EPM2A: variants seen among roughly 807,000 people sequenced by gnomAD.
EPM2A encodes laforin.
EPM2A carries 21 observed loss-of-function variants against 26.5 expected under a neutral mutation model. The ratio of observed to expected loss-of-function variants is 0.79; its 90% CI spans 0.56 to 1.14. EPM2A has a LOEUF of 1.14. EPM2A is among the 50% of genes most tolerant of loss of function. EPM2A has a pLI of 0.00. For missense variants in EPM2A, 458 were observed against 440.8 expected, an observed-to-expected ratio of 1.04 and a Z score of -0.35; for synonymous variants, 217 against 177.6, an observed-to-expected ratio of 1.22 and a Z score of -1.76.
chr6:145,510,930 A>C (rs1024267458), intron 2 of EPM2A, among the ~76,000 whole-genome samples: 4 of 152,180 alleles, frequency 2.6e-5, no homozygotes, highest in Non-Finnish European at 4.4e-5. Flanking sequence ...TCTCCAATAG[A>C]AATACAAAAT....
intron 2 of EPM2A, among the ~76,000 whole-genome samples, chr6:145,510,102 TA>T (rs879434532): frequency 1.8e-3 from 259 of 142,516 alleles, no homozygotes; most frequent in Middle Eastern, 7.0e-3. Context: ...CTTCTGGACC[TA>T]AAAAAAAAAA....
At chr6:145,434,726 G>A (rs141469138) in intron 4 of EPM2A, among the ~76,000 whole-genome samples, 9 of 152,160 alleles carry the variant, frequency 5.9e-5, no homozygotes, top group Non-Finnish European at 1.0e-4. Flanking sequence ...ATGCCAGGGC[G>A]TTTCTATTAC....
At chr6:145,491,402 A>T (rs147682867) in intron 4 of EPM2A, among the ~76,000 whole-genome samples, 142 of 151,168 alleles carry the variant, frequency 9.4e-4, no homozygotes, top group African/African-American at 3.2e-3. Flanking sequence ...GGCCCTGTGG[A>T]CTCCATATCT....
rs370179271 is a variant in EPM2A, at chr6:145,479,935, A to T, written c.555+22587T>A. Among the ~76,000 whole-genome samples, 13 of 152,182 alleles carry T rather than the reference A, an allele frequency of 8.5e-5. No homozygotes were observed. The East Asian group carries it at 2.3e-3, about 27-fold the overall frequency. ...CAACACTTTTTATTTTCTTTTTTAA[A>T]GAAAATTATAGCCATGCCAGTAGTT... On this transcript the variant is annotated intron_variant, in intron 4 of 4. Coordinates refer to the EPM2A transcript ENST00000638717.
At chr6:145,397,911 A>G (rs541366691) in intron 4 of EPM2A, among the ~76,000 whole-genome samples, 10 of 152,308 alleles carry the variant, frequency 6.6e-5, no homozygotes, top group Non-Finnish European at 1.2e-4. Flanking sequence ...AGTGAACTTC[A>G]TAACACTCTG....
chr6:145,683,898 TA>T (rs1042411031), intron 2 of EPM2A, among the ~76,000 whole-genome samples: 1 of 151,958 alleles, frequency 6.6e-6, no homozygotes, highest in African/African-American at 2.4e-5. Context: ...TTTCACATAG[TA>T]AATATGAACA....
At chr6:145,484,990 AAT>A (rs35889967) in intron 4 of EPM2A, among the ~76,000 whole-genome samples, 70,253 of 146,434 alleles carry the variant, frequency 0.48, 16,815 homozygotes, top group South Asian at 0.59. Context: ...ATGACATTAA[AAT>A]ATATATATAT....
At chr6:145,535,838 C>G (rs1159809833) in intron 2 of EPM2A, among the ~76,000 whole-genome samples, 2 of 152,184 alleles carry the variant, frequency 1.3e-5, no homozygotes, top group African/African-American at 4.8e-5. Flanking sequence ...TTCACTTTCA[C>G]TTTGTGAATT....
intron 2 of EPM2A, among the ~76,000 whole-genome samples, chr6:145,516,141 G>T (rs898189261): frequency 1.3e-5 from 2 of 152,108 alleles, no homozygotes; most frequent in South Asian, 4.1e-4. Flanking sequence ...CACCATGAAA[G>T]ACTTGCAAGA....
At chr6:145,707,293 A>G (rs1782276561) in intron 1 of EPM2A, among the ~76,000 whole-genome samples, 1 of 152,204 alleles carries the variant, frequency 6.6e-6, no homozygotes, top group Non-Finnish European at 1.5e-5. Flanking sequence ...ATCCAAGAAA[A>G]TGGTACAGTA....
chr6:145,600,743 C>G (rs1038217107), intron 2 of EPM2A, among the ~76,000 whole-genome samples: 1 of 152,162 alleles, frequency 6.6e-6, no homozygotes, highest in African/African-American at 2.4e-5. Flanking sequence ...AGTTGGCTCC[C>G]CAGCAACCTG....
At chr6:145,608,268 T>G (rs189519515) in intron 2 of EPM2A, among the ~76,000 whole-genome samples, 1 of 152,360 alleles carries the variant, frequency 6.6e-6, no homozygotes, top group Non-Finnish European at 1.5e-5. Flanking sequence ...ATCATAGGTA[T>G]GTATAGGATG....
intron 2 of EPM2A, among the ~76,000 whole-genome samples, chr6:145,595,315 T>G (rs1781327534): frequency 6.6e-6 from 1 of 151,804 alleles, no homozygotes; most frequent in African/African-American, 2.4e-5. Context: ...ATGAAAATGA[T>G]CATGGCTAAA....
chr6:145,483,147 CA>C (rs1582790130), intron 4 of EPM2A, among the ~76,000 whole-genome samples: 1 of 150,414 alleles, frequency 6.6e-6, no homozygotes, highest in African/African-American at 2.4e-5. Context: ...TTTTAAAAAT[CA>C]AAACAGTGTC....
At chr6:145,543,839 G>A (rs1241890274) in intron 2 of EPM2A, among the ~76,000 whole-genome samples, 1 of 152,100 alleles carries the variant, frequency 6.6e-6, no homozygotes, top group Non-Finnish European at 1.5e-5. Context: ...GGAAAAAGAT[G>A]GATGTACACT....
At chr6:145,424,825 A>G (rs971282831) in intron 4 of EPM2A, among the ~76,000 whole-genome samples, 20 of 152,204 alleles carry the variant, frequency 1.3e-4, no homozygotes, top group African/African-American at 4.6e-4. Context: ...TTCACCAGAC[A>G]CTGAATCTGC....
intron 2 of EPM2A, among the ~76,000 whole-genome samples, chr6:145,616,937 A>T (rs1195157947): frequency 6.6e-6 from 1 of 152,188 alleles, no homozygotes; most frequent in Admixed American, 6.5e-5. Context: ...CTGGTGTCAG[A>T]TGAGACTTTG....
chr6:145,730,840 G>A (rs1380046860), intron 1 of EPM2A, among the ~76,000 whole-genome samples: 1 of 152,162 alleles, frequency 6.6e-6, no homozygotes, highest in African/African-American at 2.4e-5. Context: ...TTCTAGAAAA[G>A]CAACATGAAA....
intron 4 of EPM2A, among the ~76,000 whole-genome samples, chr6:145,400,637 C>G (rs1582725886): frequency 6.6e-6 from 1 of 152,152 alleles, no homozygotes; most frequent in Non-Finnish European, 1.5e-5. Context: ...TAGGGACTAA[C>G]TGTATTAATT....
Sources: allele counts gnomAD v4.1 joint callset (sites outside exome capture counted in the v4.1 genomes callset), GRCh38; gene constraint gnomAD v4.1.1; transcripts MANE v1.5; gene names NCBI Gene and HGNC (gene_info 2026-07-23, HGNC 2026-07-21).